SLIT3: variants seen among roughly 807,000 people sequenced by gnomAD.
The protein encoded by SLIT3 is slit guidance ligand 3, also known as slit homolog 3 protein.
Under a neutral mutation model 184.0 loss-of-function variants are expected in SLIT3, and 68 were observed. The observed-to-expected ratio is 0.37, with a 90% confidence interval of 0.30 to 0.45. The LOEUF (loss-of-function observed/expected upper bound fraction) is 0.45, where lower values mean the gene tolerates loss of function less well. Among genes scored for constraint, SLIT3 ranks in the 20% least tolerant of loss-of-function variants. The pLI is 1.00. For synonymous variants in SLIT3, 831 were observed against 828.6 expected (o/e 1.00, Z -0.05); for missense variants, 1,707 against 2,026.0 (o/e 0.84, Z 3.02).
chr5:169,173,552 A>G (rs1762880630), intron 4 of SLIT3, among the ~76,000 whole-genome samples: 1 of 152,016 alleles, frequency 6.6e-6, no homozygotes, highest in African/African-American at 2.4e-5. Flanking sequence ...TTCCTTCCTC[A>G]CATTATTTTC....
intron 4 of SLIT3, among the ~76,000 whole-genome samples, chr5:168,940,866 C>T (rs562430038): frequency 1.3e-5 from 2 of 152,188 alleles, no homozygotes; most frequent in African/African-American, 4.8e-5. Context: ...GAGGAGGGTG[C>T]GTGCTGTGTT....
chr5:168,825,042 T>G (rs1269158366), intron 6 of SLIT3, among the ~76,000 whole-genome samples: 1 of 152,202 alleles, frequency 6.6e-6, no homozygotes, highest in Non-Finnish European at 1.5e-5. Flanking sequence ...TGTGTGGCCT[T>G]GGGCAAGTTA....
chr5:168,731,260 C>A (rs567471114), intron 20 of SLIT3, among the ~76,000 whole-genome samples: 2 of 151,984 alleles, frequency 1.3e-5, no homozygotes, highest in Admixed American at 6.6e-5. Context: ...GAACAGTAGA[C>A]CCCTAATAAG....
intron 4 of SLIT3, among the ~76,000 whole-genome samples, chr5:168,954,050 A>T (rs1001925806): frequency 6.6e-6 from 1 of 152,094 alleles, no homozygotes; most frequent in African/African-American, 2.4e-5. Flanking sequence ...GGGGGGAAAC[A>T]AGTGTCACTC....
In SLIT3 at chr5:168,708,158, T is replaced by TCC. The variant is rs759862278; in HGVS notation, c.2720-60_2720-59dup. On this transcript the variant is annotated intron_variant, in intron 25 of 35. Coordinates refer to ENST00000519560, the MANE Select transcript of SLIT3 (RefSeq NM_003062.4). ...TCCTGAGTGCGCTCACTGCCATACC[T>TCC]CCCTTCCCCTCTGCTCTGGGCCCTC... 23 of 1,612,376 alleles carry TCC rather than the reference T, an allele frequency of 1.4e-5. No individual in the cohort carries two copies. In the South Asian group the frequency reaches 2.5e-4, roughly 18 times the overall value.
At chr5:168,984,297 G>A (rs1057287291) in intron 4 of SLIT3, among the ~76,000 whole-genome samples, 19 of 152,266 alleles carry the variant, frequency 1.2e-4, no homozygotes, top group South Asian at 2.1e-4. Flanking sequence ...GGCTGGGCCC[G>A]TCGGTGCCTG....
chr5:169,229,913 G>A (rs561876010), intron 3 of SLIT3, among the ~76,000 whole-genome samples: 1 of 152,108 alleles, frequency 6.6e-6, no homozygotes, highest in South Asian at 2.1e-4. Context: ...TCGAGGTGCC[G>A]AAGATCCTAC....
At chr5:168,907,979 T>TATAGAGAGAGAG (rs376418381) in intron 4 of SLIT3, among the ~76,000 whole-genome samples, 17 of 50,080 alleles carry the variant, frequency 3.4e-4, no homozygotes, top group African/African-American at 6.3e-4. Context: ...TATATATATA[T>TATAGAGAGAGAG]AGAGAGAGAG....
intron 1 of SLIT3, among the ~76,000 whole-genome samples, chr5:169,263,384 C>T (rs1766266374): frequency 1.3e-5 from 2 of 151,692 alleles, no homozygotes; most frequent in Admixed American, 1.3e-4. Context: ...GGTATAGTGC[C>T]GTGTGACAAC....
chr5:168,708,462 G>A (rs935122984), intron 25 of SLIT3: 8 of 298,640 alleles, frequency 2.7e-5, no homozygotes, highest in African/African-American at 1.3e-4. Flanking sequence ...GGCTCCATTC[G>A]GACCTCCCAT....
intron 4 of SLIT3, among the ~76,000 whole-genome samples, chr5:169,165,172 A>G (rs1172935611): frequency 6.6e-6 from 1 of 152,262 alleles, no homozygotes; most frequent in Admixed American, 6.5e-5. Flanking sequence ...TTGCTACCCA[A>G]CAGGGATGTT....
At chr5:169,019,118 G>A (rs900840509) in intron 4 of SLIT3, among the ~76,000 whole-genome samples, 5 of 152,238 alleles carry the variant, frequency 3.3e-5, no homozygotes, top group African/African-American at 1.2e-4. Flanking sequence ...ATCCTGGGAA[G>A]GAGAAAGGAA....
chr5:168,846,784 T>C (rs1758488976), intron 5 of SLIT3, among the ~76,000 whole-genome samples: 3 of 152,224 alleles, frequency 2.0e-5, no homozygotes, highest in Non-Finnish European at 4.4e-5. Flanking sequence ...ACTGGATTTG[T>C]GAAGCATTTT....
chr5:169,294,092 G>A (rs867784902), intron 1 of SLIT3, among the ~76,000 whole-genome samples: 1 of 152,114 alleles, frequency 6.6e-6, no homozygotes, highest in South Asian at 2.1e-4. Flanking sequence ...TCCACCCCTT[G>A]TTTTTCCTTT....
At position 169,251,600 on chromosome 5, in the gene SLIT3, C is replaced by G. The variant is rs751409665; in HGVS notation, c.198-141G>C. On this transcript the variant is annotated intron_variant, in intron 1 of 35. Transcript: ENST00000519560. ...GATTAACGATATCCCTTGAGCGTGCCCGGCTAACCTTAAGGATATTGTATG... is the reference window on the plus strand; with the variant it reads ...GATTAACGATATCCCTTGAGCGTGCGCGGCTAACCTTAAGGATATTGTATG... The G allele has an allele frequency of 6.4e-4, 421 of 656,398 alleles. 5 individuals carry two copies. The highest frequency in any genetic ancestry group is 8.4e-4 in the Admixed American group (40 of 47,818). The allele number at this position is 656,398 out of a possible 1,614,324, so 40.7% of individuals were successfully genotyped here.
chr5:168,977,276 C>T (rs964241124), intron 4 of SLIT3, among the ~76,000 whole-genome samples: 2 of 152,190 alleles, frequency 1.3e-5, no homozygotes, highest in African/African-American at 4.8e-5. Context: ...CTCCTGCCAT[C>T]TCTTTTGGAT....
At chr5:169,076,892 T>C (rs994135693) in intron 4 of SLIT3, among the ~76,000 whole-genome samples, 2 of 151,996 alleles carry the variant, frequency 1.3e-5, no homozygotes, top group Non-Finnish European at 2.9e-5. Flanking sequence ...ATAATAAAAA[T>C]ATGCCCCAAT....
chr5:169,004,176 C>T (rs966397732), intron 4 of SLIT3, among the ~76,000 whole-genome samples: 6 of 151,876 alleles, frequency 4.0e-5, no homozygotes, highest in African/African-American at 1.5e-4. Context: ...AAAACACACA[C>T]ACCAAAAAAC....
rs200672404 is a variant in SLIT3 at position 168,707,957 on chromosome 5, G to T, written c.2844+19C>A. ...GGAGCCTGAGGCATGAACACGGGGG[G>T]GCAGGGCCTCCAGCATACCTTGTAG... On this transcript the variant is annotated intron_variant, in intron 26 of 35. Coordinates refer to ENST00000519560, the MANE Select transcript of SLIT3 (RefSeq NM_003062.4). 3 of 1,613,838 alleles carry T rather than the reference G, an allele frequency of 1.9e-6. No individual in the cohort carries two copies. The highest frequency in any genetic ancestry group is 1.1e-5 in the South Asian group (1 of 91,076).
Sources: allele counts gnomAD v4.1 joint callset (sites outside exome capture counted in the v4.1 genomes callset), GRCh38; gene constraint gnomAD v4.1.1; transcripts MANE v1.5; gene names NCBI Gene and HGNC (gene_info 2026-07-23, HGNC 2026-07-21).